CCDC127: variants seen among roughly 807,000 people sequenced by gnomAD.
CCDC127 encodes coiled-coil domain containing 127.
Under a neutral mutation model 4.1 loss-of-function variants are expected in CCDC127, and 2 were observed. That is an observed-to-expected ratio of 0.49 (90% CI 0.20 to 1.53). CCDC127 has a LOEUF of 1.53. Among genes scored for constraint, CCDC127 ranks in the 40% most tolerant of loss-of-function variants. The pLI is 0.23. For missense variants in CCDC127, 271 were observed against 322.9 expected, an observed-to-expected ratio of 0.84 and a Z score of 1.23; for synonymous variants, 98 against 120.4, an observed-to-expected ratio of 0.81 and a Z score of 1.22.
Position 205,082 on chromosome 5 carries a change from T to C in CCDC127, c.*215A>G, listed in dbSNP as rs998131246. ...AGCCTAAAAATGCTTCAAGAAACCA[T>C]ATCCCCAACAGCGGCAGAGCATCGG... On this transcript the variant is annotated 3_prime_UTR_variant, in exon 3 of 3. Transcript: ENST00000296824. 5 of 527,248 alleles carry C rather than the reference T, an allele frequency of 9.5e-6. No homozygotes were observed. Among genetic ancestry groups the C allele is most frequent in the South Asian group, 3.2e-5 (1 of 31,550 alleles). The allele number at this position is 527,248 out of a possible 1,614,324, so 32.7% of individuals were successfully genotyped here. A position where few individuals can be genotyped will look rare whatever the true frequency, so the allele number is the denominator to read the frequency against.
intron 2 of CCDC127, among the ~76,000 whole-genome samples, chr5:211,203 G>C (rs1734279472): frequency 8.5e-6 from 1 of 117,344 alleles, no homozygotes; most frequent in African/African-American, 3.8e-5. Context: ...GCACGCTGAT[G>C]CTCGACATCG....
rs761520517 is a variant in CCDC127, at chr5:205,495, G to C, written c.585C>G (p.Ser195=). Residue 195 remains serine (S), a synonymous_variant, in exon 3 of 3, where the codon TCC becomes TCG. Coordinates refer to ENST00000296824, the MANE Select transcript of CCDC127 (RefSeq NM_145265.3). ...EIEKSLLVRA[S]VDPVAADLEM... ...CTAGGTCAGCGGCGACGGGGTCGAC[G>C]GACGCTCGCACCAGTAAGCTCTTCT... 1.9e-6 allele frequency: 3 copies of C among 1,613,896 alleles called. No homozygotes were observed. The East Asian group carries it at 6.7e-5, about 36-fold the overall frequency.
At chr5:215,397 T>C (rs1734361377) in intron 2 of CCDC127, 1 of 152,242 alleles carries the variant, frequency 6.6e-6, no homozygotes, top group South Asian at 2.1e-4. Context: ...AAGCTGGAGA[T>C]GAGTCTGAAA....
intron 2 of CCDC127, among the ~76,000 whole-genome samples, chr5:207,447 G>A (rs573904471): frequency 9.2e-5 from 14 of 152,306 alleles, no homozygotes; most frequent in African/African-American, 3.4e-4. Flanking sequence ...AGAAGGGAAG[G>A]CTCGTCTGGT....
At chr5:217,067 G>T in intron 1 of CCDC127, 1 of 452,648 alleles carries the variant, frequency 2.2e-6, no homozygotes, top group Non-Finnish European at 3.8e-6. Flanking sequence ...GGAGGTGGAG[G>T]TTGCAGTGAG....
intron 2 of CCDC127, chr5:214,976 C>T (rs569638325): frequency 2.0e-5 from 3 of 151,690 alleles, no homozygotes; most frequent in Admixed American, 6.6e-5. Flanking sequence ...TGCAGCAAGC[C>T]GAGATCGCGC....
In CCDC127 at chr5:204,182, C is replaced by T. The variant is rs1734124332; in HGVS notation, c.*1115G>A. ...CAGGGAGTGGATCCTGGGGTGTCCA[C>T]ACGTGGCTCCTCTGAGCGCCACCCA... On this transcript the variant is annotated 3_prime_UTR_variant, in exon 3 of 3. Transcript: ENST00000296824. The T allele has an allele frequency of 6.6e-6, 1 of 152,344 alleles. No homozygotes were observed. The highest frequency in any genetic ancestry group is 1.5e-5 in the Non-Finnish European group (1 of 68,134). 9.4% of individuals were successfully genotyped at this position (152,344 alleles called of 1,614,324 possible).
Position 205,445 on chromosome 5 carries a change from A to G in CCDC127, c.635T>C (p.Ile212Thr). 6.2e-7 allele frequency: 1 copy of G among 1,614,196 alleles called. No homozygotes were observed. Among genetic ancestry groups the G allele is most frequent in the Non-Finnish European group, 8.5e-7 (1 of 1,180,034 alleles). Residue 212 changes from isoleucine to threonine, a missense_variant, in exon 3 of 3, where the codon ATA becomes ACA. Coordinates refer to ENST00000296824, the MANE Select transcript of CCDC127 (RefSeq NM_145265.3). ...ACCACAGTATGTATCATGCTGAAAT[A>G]TGTCGGTGAGACCGGCTGCCATCTC... ...DLEMAAGLTD[I>T]FQHDTYCGDV...
rs928124447 is a variant in CCDC127 at position 206,570 on chromosome 5, G to A, written c.122-612C>T. ...GGCCTGCACTGCAGAGAAATCCAGC[G>A]CCTCTAAGACCGGATGACTCACACA... On this transcript the variant is annotated intron_variant, in intron 2 of 2. Coordinates refer to ENST00000296824, the MANE Select transcript of CCDC127 (RefSeq NM_145265.3). Among the ~76,000 whole-genome samples the A allele has an allele frequency of 5.3e-5, 8 of 152,142 alleles. No homozygotes were observed. The East Asian group carries it at 5.8e-4, about 11-fold the overall frequency.
At chr5:217,071 C>T (rs1387688904) in intron 1 of CCDC127, 10 of 499,676 alleles carry the variant, frequency 2.0e-5, no homozygotes, top group Non-Finnish European at 3.1e-5. Context: ...GTGGAGGTTG[C>T]AGTGAGTCGA....
At chr5:213,949 T>C (rs1734328224) in intron 2 of CCDC127, 1 of 152,216 alleles carries the variant, frequency 6.6e-6, no homozygotes, top group South Asian at 2.1e-4. Context: ...GACCCAGATG[T>C]CTTTCAGTGG....
In CCDC127 at chr5:216,726, T is replaced by C. The variant is rs1734397866; in HGVS notation, c.121+3A>G. On this transcript the variant is annotated splice_donor_region_variant and intron_variant, in intron 2 of 2. Transcript: ENST00000296824. ...CACGAATTTTAAGAAAACCATGACT[T>C]ACGAAAAGCAGCCAATCCCAGCATT... 1.2e-6 allele frequency: 2 copies of C among 1,613,550 alleles called. No homozygotes were observed. The highest frequency in any genetic ancestry group is 1.1e-5 in the South Asian group (1 of 91,044).
Position 205,402 on chromosome 5 carries a change from G to A in CCDC127, c.678C>T (p.Asn226=), listed in dbSNP as rs1178446302. Residue 226 remains asparagine, a synonymous_variant, in exon 3 of 3, where the codon AAC becomes AAT. Transcript: ENST00000296824. ...DTYCGDVWNT[N]KRQNGRLMWL... ...ACATGAGTCTGCCATTCTGGCGTTT[G>A]TTGGTGTTCCAGACATCACCACAGT... is the stretch of plus-strand genomic sequence containing the variant. 1 of 1,614,128 alleles carries A rather than the reference G, an allele frequency of 6.2e-7. No homozygotes were observed.
At position 205,901 on chromosome 5, in the gene CCDC127, C is replaced by G. The variant is rs11557427; in HGVS notation, c.179G>C (p.Arg60Pro). The G allele has an allele frequency of 8.7e-6, 14 of 1,614,134 alleles. No homozygotes were observed. The highest frequency in any genetic ancestry group is 1.7e-5 in the Admixed American group (1 of 60,026). Residue 60 changes from arginine (R) to proline (P), a missense_variant, in exon 3 of 3, where the codon CGT (arginine) becomes CCT (proline). By Grantham distance (103) the Arg-to-Pro change is moderately radical. Coordinates refer to ENST00000296824, the MANE Select transcript of CCDC127 (RefSeq NM_145265.3). ...KEVEKEREAY[R>P]RRTAAFQQDL... ...CTGTTGAAAAGCAGCAGTTCTCCGA[C>G]GGTAGGCTTCTCTCTCTTTTTCTAC...
rs1035962725 is a variant in CCDC127 at position 197,181 on chromosome 5, C to T, written c.*8116G>A. The T allele has an allele frequency of 1.8e-4, 27 of 152,156 alleles. No homozygotes were observed. Among genetic ancestry groups the T allele is most frequent in the African/African-American group, 5.8e-4 (24 of 41,418 alleles). 9.4% of individuals were successfully genotyped at this position (152,156 alleles called of 1,614,324 possible). On this transcript the variant is annotated 3_prime_UTR_variant, in exon 3 of 3. Transcript: ENST00000296824. ...AGGCAGCATTGCCGCAAACATGTCT[C>T]GCCTCCCGCCACAAGGCGGCTTTTC... is the stretch of plus-strand genomic sequence containing the variant.
At position 201,019 on chromosome 5, in the gene CCDC127, CCAGT is replaced by C. The variant is rs774535696; in HGVS notation, c.*4274_*4277del. On this transcript the variant is annotated 3_prime_UTR_variant, in exon 3 of 3. Transcript: ENST00000296824. ...AGCAGGCTGCCCCCATCACAGCCAG[CCAGT>C]GTCTACACAGCAGGCTGCCCCCCAT... The C allele has an allele frequency of 2.3e-4, 5 of 21,548 alleles. No individual in the cohort carries two copies. Among genetic ancestry groups the C allele is most frequent in the East Asian group, 5.5e-4 (1 of 1,824 alleles). The allele number at this position is 21,548 out of a possible 1,614,324, so 1.3% of individuals were successfully genotyped here.
Position 201,864 on chromosome 5 carries a change from G to C in CCDC127, c.*3433C>G, listed in dbSNP as rs1417750044. ...ACAGTGGCTGCCCCTCCTCCGCCCT[G>C]CAGCGAGCCCTCCCCTCCCCAAGGA... On this transcript the variant is annotated 3_prime_UTR_variant, in exon 3 of 3. Transcript: ENST00000296824. 1 of 152,126 alleles carries C rather than the reference G, an allele frequency of 6.6e-6. No individual in the cohort carries two copies. The highest frequency in any genetic ancestry group is 1.5e-5 in the Non-Finnish European group (1 of 68,040). The allele number at this position is 152,126 out of a possible 1,614,324, so 9.4% of individuals were successfully genotyped here.
At chr5:214,245 C>T (rs1271907995) in intron 2 of CCDC127, 1 of 152,180 alleles carries the variant, frequency 6.6e-6, no homozygotes, top group African/African-American at 2.4e-5. Context: ...TTGACCGCAT[C>T]CTGGCAGATG....
rs1734077698 is a variant in CCDC127, at chr5:201,572, A to C, written c.*3725T>G. Reference sequence around the variant, plus strand: ...ATGCACGCATATGAAATATATATGCAAATTATATATCCTTATGGATGAATA... The same window carrying C: ...ATGCACGCATATGAAATATATATGCCAATTATATATCCTTATGGATGAATA... On this transcript the variant is annotated 3_prime_UTR_variant, in exon 3 of 3. Coordinates refer to ENST00000296824, the MANE Select transcript of CCDC127 (RefSeq NM_145265.3). 1 of 152,220 alleles carries C rather than the reference A, an allele frequency of 6.6e-6. No individual in the cohort carries two copies. The highest frequency in any genetic ancestry group is 2.4e-5 in the African/African-American group (1 of 41,454). The allele number at this position is 152,220 out of a possible 1,614,324, so 9.4% of individuals were successfully genotyped here.
Sources: allele counts gnomAD v4.1 joint callset (sites outside exome capture counted in the v4.1 genomes callset), GRCh38; gene constraint gnomAD v4.1.1; transcripts MANE v1.5; gene names NCBI Gene and HGNC (gene_info 2026-07-23, HGNC 2026-07-21).